RASSF2: variants seen among roughly 807,000 people sequenced by gnomAD.
RASSF2 encodes Ras association domain family member 2, also known as ras association domain-containing protein 2.
Under a neutral mutation model 46.3 loss-of-function variants are expected in RASSF2, and 34 were observed. That is an observed-to-expected ratio of 0.73 (90% CI 0.56 to 0.98). RASSF2 has a LOEUF of 0.98. Ranked by LOEUF, RASSF2 falls within the 50% of genes least tolerant of loss-of-function variation. RASSF2 has a pLI of 0.00. For synonymous variants in RASSF2, 158 were observed against 162.5 expected (o/e 0.97, Z 0.21); for missense variants, 364 against 431.2 (o/e 0.84, Z 1.38).
intron 5 of RASSF2, among the ~76,000 whole-genome samples, chr20:4,793,726 C>T (rs1186015060): frequency 6.6e-6 from 1 of 152,000 alleles, no homozygotes; most frequent in East Asian, 1.9e-4. Context: ...AGTGATCACC[C>T]GCCTCAGCCT....
chr20:4,822,987 G>A (rs1387943732), intron 1 of RASSF2, among the ~76,000 whole-genome samples: 1 of 152,186 alleles, frequency 6.6e-6, no homozygotes, highest in African/African-American at 2.4e-5. Flanking sequence ...AAAGAAGGAA[G>A]GACGCCCCCA....
rs1432573303 is a variant in RASSF2 at position 4,784,276 on chromosome 20, G to T, written c.978C>A (p.Ile326=). The T allele has an allele frequency of 5.6e-6, 9 of 1,613,358 alleles. 1 individual carries two copies. The South Asian group carries it at 9.9e-5, about 18-fold the overall frequency. The change falls in exon 12 of 12, where the codon ATC becomes ATA. Residue 326 remains isoleucine, a synonymous_variant. Coordinates refer to ENST00000379400, the MANE Select transcript of RASSF2 (RefSeq NM_014737.3). ...CAGATCCCCTCGTTCTCATGGCTCAGATTGTTGCTGGGGTCTCGGCTATCT... is the reference window on the plus strand; with the variant it reads ...CAGATCCCCTCGTTCTCATGGCTCATATTGTTGCTGGGGTCTCGGCTATCT... The part of the protein sequence containing the change: ...LEEIAETPAT[I]
intron 2 of RASSF2, among the ~76,000 whole-genome samples, chr20:4,809,974 T>G (rs758917687): frequency 3.9e-5 from 6 of 152,174 alleles, no homozygotes; most frequent in African/African-American, 7.2e-5. Context: ...AGGAAACGTG[T>G]GCCGCTAAGA....
At chr20:4,787,017 C>T (rs1037213570) in intron 10 of RASSF2, among the ~76,000 whole-genome samples, 2 of 151,050 alleles carry the variant, frequency 1.3e-5, no homozygotes, top group African/African-American at 2.4e-5. Context: ...AGGGAGGTGC[C>T]ACTGCACTCC....
chr20:4,789,556 C>T, intron 8 of RASSF2, 40 bp downstream of exon 8: 1 of 1,525,970 alleles, frequency 6.6e-7, no homozygotes, highest in African/African-American at 1.4e-5. Context: ...CAAGGCACAG[C>T]TGTGACCCCA....
rs1475355513 is a variant in RASSF2, at chr20:4,812,363, C to T, written c.-33+9966G>A. ...ACAGTTGAGGCACAAAGAAGCTATG[C>T]CACTTGCCCAAAGACACACAGCTAG... On this transcript the variant is annotated intron_variant, in intron 2 of 11. Coordinates refer to ENST00000379400, the MANE Select transcript of RASSF2 (RefSeq NM_014737.3). The surrounding 1 kb of genome is among the most constrained non-coding windows in gnomAD (Gnocchi z 4.0). 6.6e-6 allele frequency among the ~76,000 whole-genome samples: 1 copy of T among 152,226 alleles called. No individual in the cohort carries two copies. Among genetic ancestry groups the T allele is most frequent in the East Asian group, 1.9e-4 (1 of 5,198 alleles).
intron 2 of RASSF2, among the ~76,000 whole-genome samples, chr20:4,805,355 T>C (rs1419434274): frequency 1.3e-5 from 2 of 151,886 alleles, no homozygotes; most frequent in Non-Finnish European, 2.9e-5. Flanking sequence ...AACGCTGCAC[T>C]GTGGACGAAG....
intron 5 of RASSF2, among the ~76,000 whole-genome samples, chr20:4,794,341 G>C (rs192598096): frequency 6.6e-6 from 1 of 152,078 alleles, no homozygotes; most frequent in East Asian, 1.9e-4. Flanking sequence ...GGTCAAGGAA[G>C]GTGGATATCT....
At chr20:4,820,448 C>T (rs1231873605) in intron 2 of RASSF2, among the ~76,000 whole-genome samples, 7 of 152,004 alleles carry the variant, frequency 4.6e-5, no homozygotes, top group East Asian at 3.9e-4. Context: ...GAGGTTGAGG[C>T]TGCATGAGCC....
intron 2 of RASSF2, among the ~76,000 whole-genome samples, chr20:4,806,752 G>T (rs1476407969): frequency 6.6e-6 from 1 of 152,022 alleles, no homozygotes; most frequent in African/African-American, 2.4e-5. Flanking sequence ...GTCCATTCTT[G>T]GTTCTTCTGC....
At chr20:4,805,314 G>A (rs993793299) in intron 2 of RASSF2, among the ~76,000 whole-genome samples, 2 of 152,082 alleles carry the variant, frequency 1.3e-5, no homozygotes, top group African/African-American at 2.4e-5. Flanking sequence ...AGAAGGCGAC[G>A]TGACAACTGC....
chr20:4,793,401 C>T (rs191657206), intron 5 of RASSF2, among the ~76,000 whole-genome samples: 7 of 152,236 alleles, frequency 4.6e-5, no homozygotes, highest in Admixed American at 3.9e-4. Context: ...CTCCCTGGGA[C>T]CCAGTAGAGA....
chr20:4,816,605 AG>A (rs1363669873), intron 2 of RASSF2, among the ~76,000 whole-genome samples: 3 of 152,236 alleles, frequency 2.0e-5, no homozygotes, highest in African/African-American at 7.2e-5. Context: ...AACGGTTAAA[AG>A]GGTAAATTTT....
chr20:4,797,503 C>T (rs1926445020), intron 4 of RASSF2, among the ~76,000 whole-genome samples: 1 of 152,124 alleles, frequency 6.6e-6, no homozygotes, highest in Non-Finnish European at 1.5e-5. Context: ...AGCTCAGTTT[C>T]AGGATGGGAA....
chr20:4,784,796 C>T (rs1360246904), intron 11 of RASSF2, among the ~76,000 whole-genome samples: 4 of 152,042 alleles, frequency 2.6e-5, no homozygotes, highest in Non-Finnish European at 4.4e-5. Flanking sequence ...ATGGCAACTT[C>T]GTATGGTTCA....
Position 4,788,134 on chromosome 20 carries a change from G to A in RASSF2, c.691+83C>T. The stretch of plus-strand genomic sequence containing the variant: ...GAAGTTTCCAAAACTCAAACAACAA[G>A]CAAAGGAGGCAGAGGTATTTTTTTA... On this transcript the variant is annotated intron_variant, in intron 9 of 11. Transcript: ENST00000379400. The A allele has an allele frequency of 5.4e-6, 7 of 1,293,064 alleles. No individual in the cohort carries two copies. The Admixed American group carries it at 1.1e-4, about 20-fold the overall frequency. 80.1% of individuals were successfully genotyped at this position (1,293,064 alleles called of 1,614,324 possible).
In RASSF2 at chr20:4,790,438, CT is replaced by C. The variant is rs753697779; in HGVS notation, c.537+12del. On this transcript the variant is annotated intron_variant, in intron 7 of 11. Transcript: ENST00000379400. This position sits in a 1 kb window ranked among gnomAD's most constrained non-coding sequence, Gnocchi z 4.3. Reference sequence around the variant, plus strand: ...GAGGTCTTCCACCCTCCCCGTCCCCCTGTCCACCTTACCTTATGGTTGTAGA... The same window carrying C: ...GAGGTCTTCCACCCTCCCCGTCCCCCGTCCACCTTACCTTATGGTTGTAGA... The C allele has an allele frequency of 9.0e-6, 13 of 1,448,690 alleles. No individual in the cohort carries two copies. Among genetic ancestry groups the C allele is most frequent in the African/African-American group, 1.5e-5 (1 of 67,430 alleles). 89.7% of individuals were successfully genotyped at this position (1,448,690 alleles called of 1,614,324 possible).
At chr20:4,807,099 C>A (rs998656895) in intron 2 of RASSF2, among the ~76,000 whole-genome samples, 1 of 152,064 alleles carries the variant, frequency 6.6e-6, no homozygotes, top group Non-Finnish European at 1.5e-5. Flanking sequence ...CCAAATATAT[C>A]TGGGAACATG....
In RASSF2 at chr20:4,788,281, CAA is replaced by C. The variant is rs752665472; in HGVS notation, c.640-15_640-14del. The C allele has an allele frequency of 1.2e-6, 2 of 1,603,286 alleles. No individual in the cohort carries two copies. The highest frequency in any genetic ancestry group is 1.7e-6 in the Non-Finnish European group (2 of 1,170,164). On this transcript the variant is annotated splice_polypyrimidine_tract_variant and intron_variant, in intron 8 of 11. Coordinates refer to ENST00000379400, the MANE Select transcript of RASSF2 (RefSeq NM_014737.3). Reference sequence around the variant, plus strand: ...CTGAATTCTCAATCTGAAGCAGGAGCAAAAGATTCTTGTTGAAAGTTTCTATT... The same window carrying C: ...CTGAATTCTCAATCTGAAGCAGGAGCAAGATTCTTGTTGAAAGTTTCTATT...
Sources: gnomAD v4.1 joint callset for allele counts (sites outside exome capture counted in the v4.1 genomes callset) on GRCh38, gnomAD v4.1.1 for gene constraint, Gnocchi (gnomAD v3.1) non-coding constraint, MANE v1.5 for transcripts, NCBI Gene and HGNC (gene_info 2026-07-23, HGNC 2026-07-21) for gene names.